Variants in PTPRK observed in about 807,000 individuals in gnomAD.
PTPRK encodes the protein receptor-type tyrosine-protein phosphatase kappa.
Under a neutral mutation model 178.0 loss-of-function variants are expected in PTPRK, and 75 were observed. The ratio of observed to expected loss-of-function variants is 0.42; its 90% CI spans 0.35 to 0.51. PTPRK has a LOEUF of 0.51. Ranked by LOEUF, PTPRK falls within the 20% of genes least tolerant of loss-of-function variation. The pLI, the probability that PTPRK is intolerant of heterozygous loss-of-function variation, is 0.02. For synonymous variants in PTPRK, 637 were observed against 620.6 expected (o/e 1.03, Z -0.39); for missense variants, 1,441 against 1,797.8 (o/e 0.80, Z 3.59).
At chr6:128,503,843 TG>T (rs1855914685) in intron 1 of PTPRK, among the ~76,000 whole-genome samples, 4 of 25,700 alleles carry the variant, frequency 1.6e-4, no homozygotes, top group African/African-American at 1.3e-3. Context: ...TGGTTATTAT[TG>T]TGTGTGTGTG....
At chr6:128,132,187 T>C (rs1291493933) in intron 7 of PTPRK, among the ~76,000 whole-genome samples, 2 of 152,170 alleles carry the variant, frequency 1.3e-5, no homozygotes, top group Non-Finnish European at 2.9e-5. Context: ...TTTTAATTTT[T>C]ATTTTTTGAG....
chr6:128,479,311 A>T (rs1034883096), intron 1 of PTPRK, among the ~76,000 whole-genome samples: 14 of 152,224 alleles, frequency 9.2e-5, no homozygotes, highest in African/African-American at 3.1e-4. Flanking sequence ...TATGACACTA[A>T]AAATTAGGGG....
chr6:128,238,946 AAATAT>A (rs1813854478), intron 5 of PTPRK, among the ~76,000 whole-genome samples: 1 of 152,140 alleles, frequency 6.6e-6, no homozygotes, highest in African/African-American at 2.4e-5. Context: ...GAAATAACAC[AAATAT>A]AACACCCAGC....
At chr6:128,216,368 C>T (rs1809293580) in intron 6 of PTPRK, among the ~76,000 whole-genome samples, 1 of 151,924 alleles carries the variant, frequency 6.6e-6, no homozygotes, top group Admixed American at 6.6e-5. Context: ...AACCCCCTCT[C>T]TATTAAAAAT....
rs375828982 is a variant in PTPRK, at chr6:128,287,243, C to T, written c.495+34796G>A. On this transcript the variant is annotated intron_variant, in intron 3 of 29. Coordinates refer to ENST00000368226, the MANE Select transcript of PTPRK (RefSeq NM_002844.4). Reference sequence around the variant, plus strand: ...CCAAGAGGCTGTGAATTGGGATGAACGTAGGGGGCACCTCATTTGTTTCTC... The same window carrying T: ...CCAAGAGGCTGTGAATTGGGATGAATGTAGGGGGCACCTCATTTGTTTCTC... Among the ~76,000 whole-genome samples the T allele has an allele frequency of 2.4e-4, 36 of 152,172 alleles. No homozygotes were observed. The East Asian group carries it at 4.3e-3, about 18-fold the overall frequency.
At chr6:128,031,296 C>A (rs1775288876) in intron 13 of PTPRK, among the ~76,000 whole-genome samples, 1 of 152,204 alleles carries the variant, frequency 6.6e-6, no homozygotes, top group Admixed American at 6.5e-5. Flanking sequence ...GAACCCAGGT[C>A]ATCCGACACC....
chr6:128,251,938 G>A (rs1816530266), intron 3 of PTPRK, among the ~76,000 whole-genome samples: 2 of 152,176 alleles, frequency 1.3e-5, no homozygotes, highest in Admixed American at 1.3e-4. Context: ...TATAACCAGA[G>A]TGCAGTTGCA....
intron 1 of PTPRK, among the ~76,000 whole-genome samples, chr6:128,413,405 G>A (rs887670655): frequency 1.3e-5 from 2 of 151,852 alleles, no homozygotes; most frequent in Non-Finnish European, 2.9e-5. Context: ...AAAATCAAAT[G>A]TGAGGAGTTG....
chr6:128,175,960 TA>T (rs1282194150), intron 7 of PTPRK, among the ~76,000 whole-genome samples: 10 of 151,470 alleles, frequency 6.6e-5, no homozygotes, highest in African/African-American at 2.4e-4. Flanking sequence ...CCACCCCAAA[TA>T]AAAGCACAAC....
chr6:128,048,142 A>G (rs570258320), intron 13 of PTPRK, among the ~76,000 whole-genome samples: 1 of 152,306 alleles, frequency 6.6e-6, no homozygotes, highest in South Asian at 2.1e-4. Flanking sequence ...CGCTAAACCA[A>G]TCACTGGCAG....
intron 3 of PTPRK, 117 bp downstream of exon 3, chr6:128,321,922 G>C: frequency 7.6e-7 from 1 of 1,322,938 alleles, no homozygotes; most frequent in Non-Finnish European, 1.1e-6. Flanking sequence ...AATGGGGGTG[G>C]GGGAGGCAAG....
At chr6:128,197,561 T>C (rs1322903083) in intron 6 of PTPRK, among the ~76,000 whole-genome samples, 1 of 152,102 alleles carries the variant, frequency 6.6e-6, no homozygotes, top group African/African-American at 2.4e-5. Flanking sequence ...AACAGAGATA[T>C]AAATGTACTC....
intron 1 of PTPRK, among the ~76,000 whole-genome samples, chr6:128,476,659 T>G (rs1487045353): frequency 6.6e-6 from 1 of 152,040 alleles, no homozygotes; most frequent in Non-Finnish European, 1.5e-5. Context: ...TTCAACACTC[T>G]TTTTACTGTG....
chr6:128,213,456 T>C (rs73588693), intron 6 of PTPRK, among the ~76,000 whole-genome samples: 3,874 of 152,176 alleles, frequency 0.025, 100 homozygotes, highest in African/African-American at 0.069. Flanking sequence ...TTCAGTGTGT[T>C]CTGAAATGTT....
intron 6 of PTPRK, among the ~76,000 whole-genome samples, chr6:128,196,073 G>A (rs4243494): frequency 0.074 from 11,208 of 152,006 alleles, 855 homozygotes; most frequent in East Asian, 0.34. Flanking sequence ...GACATGACCT[G>A]GGAACCAGAG....
chr6:128,297,274 T>G (rs2128309747), intron 3 of PTPRK, among the ~76,000 whole-genome samples: 1 of 152,152 alleles, frequency 6.6e-6, no homozygotes, highest in South Asian at 2.1e-4. Context: ...ACAATAATAA[T>G]GGGAGACTTT....
At chr6:128,376,155 T>C (rs951001513) in intron 2 of PTPRK, among the ~76,000 whole-genome samples, 2 of 152,130 alleles carry the variant, frequency 1.3e-5, no homozygotes, top group African/African-American at 4.8e-5. Context: ...AAGGTACTCA[T>C]TGTGGGGGCA....
At chr6:128,405,616 T>C (rs896085585) in intron 1 of PTPRK, among the ~76,000 whole-genome samples, 1 of 152,168 alleles carries the variant, frequency 6.6e-6, no homozygotes, top group Non-Finnish European at 1.5e-5. Context: ...TTTAAACATA[T>C]CTTTGTTTTG....
intron 8 of PTPRK, among the ~76,000 whole-genome samples, chr6:128,085,722 G>C (rs1785668629): frequency 6.6e-6 from 1 of 152,194 alleles, no homozygotes; most frequent in Non-Finnish European, 1.5e-5. Context: ...TGCTCTTACA[G>C]TTTTTCTGTT....
Sources: allele counts gnomAD v4.1 joint callset (sites outside exome capture counted in the v4.1 genomes callset), GRCh38; gene constraint gnomAD v4.1.1; transcripts MANE v1.5; gene names NCBI Gene and HGNC (gene_info 2026-07-23, HGNC 2026-07-21).